Variants in SPAG16 observed in about 807,000 individuals in gnomAD.
SPAG16 encodes sperm associated antigen 16, also known as sperm-associated antigen 16 protein.
A neutral mutation model predicts 80.4 loss-of-function variants in SPAG16; 86 were observed. The observed-to-expected ratio is 1.07, with a 90% CI of 0.90 to 1.28. The LOEUF (loss-of-function observed/expected upper bound fraction) is 1.28. Among genes scored for constraint, SPAG16 ranks in the 50% most tolerant of loss-of-function variants. The pLI, the probability that SPAG16 is intolerant of heterozygous loss-of-function variation, is 0.00. For synonymous variants in SPAG16, 294 were observed against 265.9 expected (o/e 1.11, Z -1.03); for missense variants, 870 against 765.3 (o/e 1.14, Z -1.61).
chr2:213,517,564 A>G (rs184744224), intron 10 of SPAG16, among the ~76,000 whole-genome samples: 1 of 152,338 alleles, frequency 6.6e-6, no homozygotes, highest in African/African-American at 2.4e-5. Flanking sequence ...AAACTATATT[A>G]TAAGGCTACA....
intron 10 of SPAG16, among the ~76,000 whole-genome samples, chr2:213,702,481 A>G (rs146499709): frequency 2.0e-5 from 3 of 152,294 alleles, no homozygotes; most frequent in Admixed American, 6.5e-5. Context: ...ACCAAAAGGA[A>G]CAAACAACTC....
intron 10 of SPAG16, among the ~76,000 whole-genome samples, chr2:213,720,907 G>A (rs1432955308): frequency 2.7e-5 from 4 of 150,856 alleles, no homozygotes; most frequent in East Asian, 2.0e-4. Flanking sequence ...CACCACGCCC[G>A]GCTAATTTTT....
At chr2:214,176,953 T>C (rs182241585) in intron 15 of SPAG16, among the ~76,000 whole-genome samples, 62 of 151,344 alleles carry the variant, frequency 4.1e-4, no homozygotes, top group Middle Eastern at 3.4e-3. Flanking sequence ...TAAGCTTTTT[T>C]TAAAAAAATT....
intron 9 of SPAG16, among the ~76,000 whole-genome samples, chr2:213,392,353 G>C (rs1040432317): frequency 1.3e-5 from 2 of 152,054 alleles, no homozygotes; most frequent in Admixed American, 1.3e-4. Context: ...AATGCAGAGT[G>C]ACTCTGGCAT....
intron 13 of SPAG16, among the ~76,000 whole-genome samples, chr2:214,021,058 G>C (rs960829156): frequency 6.6e-6 from 1 of 152,070 alleles, no homozygotes; most frequent in African/African-American, 2.4e-5. Flanking sequence ...ACAGTTCACT[G>C]TTGGCAAATG....
intron 10 of SPAG16, among the ~76,000 whole-genome samples, chr2:213,617,461 C>A (rs1205960610): frequency 6.6e-6 from 1 of 152,148 alleles, no homozygotes; most frequent in African/African-American, 2.4e-5. Flanking sequence ...TCTGCCTCAG[C>A]CTCCCGACTG....
chr2:214,397,158 C>CTTTTTTTTTTTTTTTTTTTATTTTGTT (rs66580402), intron 15 of SPAG16, among the ~76,000 whole-genome samples: 1 of 129,964 alleles, frequency 7.7e-6, no homozygotes, highest in Non-Finnish European at 1.6e-5. Context: ...TTTTAATTTT[C>CTTTTTTTTTTTTTTTTTTTATTTTGTT]TTTTTTTTTT....
intron 9 of SPAG16, among the ~76,000 whole-genome samples, chr2:213,489,503 C>A (rs2074148872): frequency 6.6e-6 from 1 of 152,060 alleles, no homozygotes; most frequent in South Asian, 2.1e-4. Flanking sequence ...AAAAGAAAAT[C>A]ATAATCAATC....
chr2:213,939,830 A>G lies in SPAG16; in HGVS notation c.1400+9685A>G, dbSNP rs564555546. On this transcript the variant is annotated intron_variant, in intron 12 of 15. Coordinates refer to ENST00000331683, the MANE Select transcript of SPAG16 (RefSeq NM_024532.5). ...TCAAGCAATAACAAATAGAGATAAT[A>G]TACAAAGATGTGCTGTATCTCAACC... Among the ~76,000 whole-genome samples the G allele has an allele frequency of 4.6e-5, 7 of 152,324 alleles. No individual in the cohort carries two copies. The South Asian group carries it at 8.3e-4, about 18-fold the overall frequency.
chr2:213,918,756 G>A (rs147550787), intron 11 of SPAG16, among the ~76,000 whole-genome samples: 29,655 of 152,086 alleles, frequency 0.19, 3,333 homozygotes, highest in South Asian at 0.32. Flanking sequence ...TTTATCAGCA[G>A]CATGAAAATG....
At chr2:213,868,611 G>C (rs920689716) in intron 11 of SPAG16, among the ~76,000 whole-genome samples, 4 of 152,196 alleles carry the variant, frequency 2.6e-5, no homozygotes, top group African/African-American at 4.8e-5. Flanking sequence ...ACCAGTGCTT[G>C]GAGTTGCATT....
intron 15 of SPAG16, among the ~76,000 whole-genome samples, chr2:214,368,472 A>C (rs941039365): frequency 3.9e-5 from 6 of 152,088 alleles, no homozygotes; most frequent in Admixed American, 1.3e-4. Flanking sequence ...TCTCAGCATA[A>C]GGAGAAATTT....
intron 10 of SPAG16, among the ~76,000 whole-genome samples, chr2:213,530,710 AT>A (rs1323077425): frequency 1.3e-5 from 2 of 152,034 alleles, no homozygotes; most frequent in African/African-American, 4.8e-5. Context: ...TTCAATTAGA[AT>A]TATTTTCTAT....
intron 10 of SPAG16, among the ~76,000 whole-genome samples, chr2:213,667,857 G>T (rs1050306642): frequency 6.6e-6 from 1 of 151,822 alleles, no homozygotes; most frequent in Non-Finnish European, 1.5e-5. Flanking sequence ...TTTCCAGAGG[G>T]TGGTGAGGTA....
intron 15 of SPAG16, among the ~76,000 whole-genome samples, chr2:214,203,764 AG>A (rs1041320801): frequency 4.6e-5 from 7 of 152,288 alleles, no homozygotes; most frequent in African/African-American, 1.7e-4. Context: ...CACAGGAAGA[AG>A]GAAATTTCCA....
chr2:213,992,925 T>C (rs2046353503), intron 12 of SPAG16, among the ~76,000 whole-genome samples: 1 of 152,210 alleles, frequency 6.6e-6, no homozygotes, highest in Non-Finnish European at 1.5e-5. Context: ...GGATGGCACC[T>C]GAATGAGAAA....
intron 12 of SPAG16, among the ~76,000 whole-genome samples, chr2:213,976,021 T>G (rs2045351426): frequency 6.6e-6 from 1 of 150,928 alleles, no homozygotes; most frequent in African/African-American, 2.4e-5. Flanking sequence ...CAGTATCATG[T>G]GGGTCTCCTC....
At chr2:214,090,739 A>T (rs2125312167) in intron 13 of SPAG16, among the ~76,000 whole-genome samples, 1 of 151,984 alleles carries the variant, frequency 6.6e-6, no homozygotes, top group East Asian at 1.9e-4. Context: ...GAATATCCTG[A>T]TTTTACTTTC....
At chr2:214,184,292 A>T (rs904470117) in intron 15 of SPAG16, among the ~76,000 whole-genome samples, 3 of 151,998 alleles carry the variant, frequency 2.0e-5, no homozygotes, top group Non-Finnish European at 4.4e-5. Context: ...CTCACCAAGG[A>T]TTATTTTTGT....
Sources: gnomAD v4.1 joint callset for allele counts (sites outside exome capture counted in the v4.1 genomes callset) on GRCh38, gnomAD v4.1.1 for gene constraint, MANE v1.5 for transcripts, NCBI Gene and HGNC (gene_info 2026-07-23, HGNC 2026-07-21) for gene names.